Variants in TGM2 observed in about 807,000 individuals in gnomAD.
TGM2 encodes transglutaminase 2, also known as protein-glutamine gamma-glutamyltransferase 2.
TGM2 carries 53 observed loss-of-function variants against 75.6 expected under a neutral mutation model. The observed-to-expected ratio is 0.70, with a 90% CI of 0.56 to 0.88. The LOEUF (loss-of-function observed/expected upper bound fraction) is 0.88, where lower values mean the gene tolerates loss of function less well. Among genes scored for constraint, TGM2 ranks in the 40% least tolerant of loss-of-function variants. The pLI, the probability that TGM2 is intolerant of heterozygous loss-of-function variation, is 0.00. For missense variants in TGM2, 842 were observed against 928.5 expected, an observed-to-expected ratio of 0.91 and a Z score of 1.21; for synonymous variants, 374 against 381.1, an observed-to-expected ratio of 0.98 and a Z score of 0.22.
chr20:38,158,663 G>A (rs896825878), intron 2 of TGM2, among the ~76,000 whole-genome samples: 6 of 152,188 alleles, frequency 3.9e-5, no homozygotes, highest in African/African-American at 7.2e-5. Context: ...ACCCCATAAC[G>A]GAGTCTGTCG....
chr20:38,137,349 G>C (rs1400067709), intron 10 of TGM2, among the ~76,000 whole-genome samples: 1 of 152,200 alleles, frequency 6.6e-6, no homozygotes, highest in Admixed American at 6.5e-5. Flanking sequence ...GCTGGGCATG[G>C]TGGTGCACGC....
Position 38,131,283 on chromosome 20 carries a change from G to A in TGM2, c.1777-54C>T. 9 of 1,610,270 alleles carry A rather than the reference G, an allele frequency of 5.6e-6. No homozygotes were observed. In the South Asian group the frequency reaches 8.8e-5, roughly 16 times the overall value. On this transcript the variant is annotated intron_variant, in intron 11 of 12. Coordinates refer to ENST00000361475, the MANE Select transcript of TGM2 (RefSeq NM_004613.4). ...GGGCAGGTGGGATCCAGGCTGGGCTGTCTGCATTCACTGCAATTTGGCCCA... is the reference window on the plus strand; with the variant it reads ...GGGCAGGTGGGATCCAGGCTGGGCTATCTGCATTCACTGCAATTTGGCCCA...
intron 5 of TGM2, 130 bp from the exon 6 acceptor site, chr20:38,147,024 C>T: frequency 2.1e-6 from 2 of 944,496 alleles, no homozygotes. Flanking sequence ...AGAGCAGGTG[C>T]AAAGGGGCCA....
In TGM2 at chr20:38,161,581, C is replaced by T; in HGVS notation, c.29G>A (p.Cys10Tyr). 2.5e-6 allele frequency: 4 copies of T among 1,614,212 alleles called. No individual in the cohort carries two copies. Among genetic ancestry groups the T allele is most frequent in the Non-Finnish European group, 3.4e-6 (4 of 1,180,042 alleles). The change falls in exon 2 of 13, where the codon TGT (cysteine) becomes TAT (tyrosine). Residue 10 changes from cysteine to tyrosine, a missense_variant. Physicochemically the swap from Cys to Tyr is radical, Grantham distance 194. Coordinates refer to ENST00000361475, the MANE Select transcript of TGM2 (RefSeq NM_004613.4). ...GCCATTGGTCTCCAGCTCCAGATCA[C>T]ACCTCTCTAAGACCAGCTCTATGGA... MAEELVLER[C>Y]DLELETNGRD...
chr20:38,137,834 T>A (rs1600485236), intron 10 of TGM2: 2 of 573,676 alleles, frequency 3.5e-6, no homozygotes, highest in Admixed American at 3.3e-5. Flanking sequence ...TGAGGACAGG[T>A]TAACTCCCCA....
At chr20:38,132,283 C>G in intron 11 of TGM2, 57 bp downstream of exon 11, 2 of 1,605,920 alleles carry the variant, frequency 1.2e-6, no homozygotes. Context: ...AGGGATCTGC[C>G]CTCTCCCCAG....
chr20:38,151,799 A>G (rs932208985), intron 3 of TGM2, among the ~76,000 whole-genome samples: 1 of 152,218 alleles, frequency 6.6e-6, no homozygotes, highest in Admixed American at 6.5e-5. Flanking sequence ...CATTCTAAGC[A>G]GAGGACCAGA....
At chr20:38,162,289 C>A (rs570227968) in intron 1 of TGM2, among the ~76,000 whole-genome samples, 75 of 152,308 alleles carry the variant, frequency 4.9e-4, no homozygotes, top group African/African-American at 1.0e-3. Context: ...ACTCAATAAA[C>A]ACGAGCTATT....
chr20:38,161,454 G>T lies in TGM2; in HGVS notation c.156C>A (p.Ala52=). 1 of 1,614,176 alleles carries T rather than the reference G, an allele frequency of 6.2e-7. No individual in the cohort carries two copies. Among genetic ancestry groups the T allele is most frequent in the East Asian group, 2.2e-5 (1 of 44,876 alleles). Residue 52 remains alanine (A), a synonymous_variant, in exon 2 of 13, where the codon GCC becomes GCA. Coordinates refer to ENST00000361475, the MANE Select transcript of TGM2 (RefSeq NM_004613.4). ...CACTGAAGGTGAGACTGTCTACACT[G>T]GCCTCGTAGTTGCGGCCCTCAAAGT... ...TLHFEGRNYE[A]SVDSLTFSVV...
intron 2 of TGM2, among the ~76,000 whole-genome samples, chr20:38,156,661 C>T (rs1399510465): frequency 6.6e-6 from 1 of 152,172 alleles, no homozygotes; most frequent in Admixed American, 6.5e-5. Flanking sequence ...GTGTCTGTCT[C>T]CCCAGGCCCC....
upstream of TGM2, among the ~76,000 whole-genome samples, chr20:38,167,425 C>T (rs1471509796): frequency 6.6e-6 from 1 of 152,182 alleles, no homozygotes; most frequent in Non-Finnish European, 1.5e-5. Flanking sequence ...CAGCCTCCAT[C>T]CCTCGGGCTC....
At chr20:38,150,203 C>T (rs914662099) in intron 4 of TGM2, among the ~76,000 whole-genome samples, 7 of 152,180 alleles carry the variant, frequency 4.6e-5, no homozygotes, top group African/African-American at 1.7e-4. Flanking sequence ...CCCAGGCTGG[C>T]CCACTGGGGA....
intron 3 of TGM2, 125 bp downstream of exon 3, chr20:38,155,722 G>A: frequency 7.1e-7 from 1 of 1,401,182 alleles, no homozygotes; most frequent in South Asian, 1.4e-5. Context: ...AGCACAGTGG[G>A]CCTCACTCAG....
intron 1 of TGM2, among the ~76,000 whole-genome samples, chr20:38,163,557 T>C (rs2075278705): frequency 6.6e-6 from 1 of 152,136 alleles, no homozygotes; most frequent in Admixed American, 6.6e-5. Context: ...GCTGTAGGAT[T>C]CTGTAGGATT....
At chr20:38,164,941 C>T (rs2075294725) in intron 1 of TGM2, among the ~76,000 whole-genome samples, 1 of 152,252 alleles carries the variant, frequency 6.6e-6, no homozygotes, top group South Asian at 2.1e-4. Context: ...TCCGCCAGGA[C>T]AGTACTTTAC....
At chr20:38,137,060 C>T (rs921770480) in intron 10 of TGM2, among the ~76,000 whole-genome samples, 20 of 152,168 alleles carry the variant, frequency 1.3e-4, no homozygotes, top group Admixed American at 3.9e-4. Flanking sequence ...TGGAGAGGGA[C>T]AATCAAGTCC....
At position 38,155,859 on chromosome 20, in the gene TGM2, C is replaced by T. The variant is rs758726791; in HGVS notation, c.421G>A (p.Ala141Thr). 3.1e-5 allele frequency: 50 copies of T among 1,598,806 alleles called. No individual in the cohort carries two copies. The highest frequency in any genetic ancestry group is 3.3e-5 in the Non-Finnish European group (39 of 1,173,550). ...VLGHFILLFN[A>T]WCPADAVYLD... ...GCGTGTGGCTCACCTGGGCACCAGG[C>T]GTTGAAGAGCAAAATGAAGTGGCCC... The change falls in exon 3 of 13, where the codon GCC (alanine) becomes ACC (threonine). Residue 141 changes from alanine to threonine, a missense_variant. Ala to Thr is a moderately conservative substitution (Grantham distance 58, BLOSUM62 0). Coordinates refer to ENST00000361475, the MANE Select transcript of TGM2 (RefSeq NM_004613.4).
chr20:38,131,331 C>T, intron 11 of TGM2, 102 bp from the exon 12 acceptor site: 1 of 1,535,596 alleles, frequency 6.5e-7, no homozygotes, highest in South Asian at 1.1e-5. Context: ...CAAAGCTGTA[C>T]CCAGGTCTGC....
intron 4 of TGM2, among the ~76,000 whole-genome samples, chr20:38,149,696 A>AAAAAAC (rs2075094222): frequency 1.3e-5 from 2 of 150,820 alleles, no homozygotes; most frequent in Admixed American, 1.3e-4. Context: ...AAAAAAAAAA[A>AAAAAAC]AAAAACAGGA....
Sources: allele counts gnomAD v4.1 joint callset (sites outside exome capture counted in the v4.1 genomes callset), GRCh38; gene constraint gnomAD v4.1.1; transcripts MANE v1.5; gene names NCBI Gene and HGNC (gene_info 2026-07-23, HGNC 2026-07-21).